Variants in FLNB observed in about 807,000 individuals in gnomAD.
FLNB encodes the protein filamin-B.
In FLNB, 111 loss-of-function variants were observed where a neutral mutation model predicts 250.6. The ratio of observed to expected loss-of-function variants is 0.44; its 90% CI spans 0.38 to 0.52. The LOEUF is 0.52. FLNB is among the 20% of genes least tolerant of loss of function. FLNB has a pLI of 0.00. For synonymous variants in FLNB, 1,302 were observed against 1,372.1 expected (o/e 0.95, Z 1.13); for missense variants, 2,869 against 3,447.8 (o/e 0.83, Z 4.20).
intron 1 of FLNB, among the ~76,000 whole-genome samples, chr3:58,023,050 G>A (rs1045932963): frequency 1.3e-5 from 2 of 150,918 alleles, no homozygotes; most frequent in Non-Finnish European, 2.9e-5. Flanking sequence ...TCCTGATCTC[G>A]AGATCCACCT....
rs373720589 is a variant in FLNB, at chr3:58,132,021, T to C, written c.4391-787T>C. On this transcript the variant is annotated intron_variant, in intron 25 of 45. Coordinates refer to ENST00000295956, the MANE Select transcript of FLNB (RefSeq NM_001457.4). ...CGAAGGGTGACTTTAATAAGACAGG[T>C]TTGCATTTTCCCATGGCTGCTGAAT... 382 of 1,530,466 alleles carry C rather than the reference T, an allele frequency of 2.5e-4. No individual in the cohort carries two copies. In the African/African-American group the frequency reaches 4.2e-3, roughly 17 times the overall value. The allele number at this position is 1,530,466 out of a possible 1,614,324, so 94.8% of individuals were successfully genotyped here.
At position 58,154,910 on chromosome 3, in the gene FLNB, T is replaced by TA. The variant is rs2097350981; in HGVS notation, c.6755dup (p.Tyr2252Ter). ...DHKNGSCGVSYIAQEPGNYEV... is the reference protein window; with the variant it reads ...DHKNGSCGVS Reference sequence around the variant, plus strand: ...TAAAAATGGGTCGTGCGGTGTATCTTATATTGCCCAAGAGCCTGGTATGTA... The same window carrying TA: ...TAAAAATGGGTCGTGCGGTGTATCTTAATATTGCCCAAGAGCCTGGTATGTA... Residue 2252 changes from tyrosine to a stop codon, truncating the protein, a stop_gained and frameshift_variant, in exon 40 of 46, where the codon TAT (tyrosine) becomes TAAT (stop). Coordinates refer to ENST00000295956, the MANE Select transcript of FLNB (RefSeq NM_001457.4). LOFTEE classifies it high-confidence loss of function. 6.2e-7 allele frequency: 1 copy of TA among 1,613,998 alleles called. No homozygotes were observed.
intron 3 of FLNB, 100 bp from the exon 4 acceptor site, chr3:58,081,529 C>T: frequency 9.2e-7 from 1 of 1,089,714 alleles, no homozygotes; most frequent in Non-Finnish European, 1.4e-6. Context: ...GACTCAGTTT[C>T]TTAATATTTG....
At chr3:58,114,030 A>G (rs551923004) in intron 18 of FLNB, among the ~76,000 whole-genome samples, 2 of 152,024 alleles carry the variant, frequency 1.3e-5, no homozygotes, top group Admixed American at 1.3e-4. Context: ...TATGTCCTCC[A>G]TGTTGTAGCA....
chr3:58,153,588 A>G lies in FLNB; in HGVS notation c.6581A>G (p.His2194Arg), dbSNP rs769664017. ...GGGCCACTTGGTGAAGGAGGCGCCCACAAGGTGCGGGCAGGAGGCCCTGGC... is the reference window on the plus strand; with the variant it reads ...GGGCCACTTGGTGAAGGAGGCGCCCGCAAGGTGCGGGCAGGAGGCCCTGGC... ...TVGPLGEGGA[H>R]KVRAGGPGLE... Residue 2194 changes from histidine (H) to arginine (R), a missense_variant, in exon 39 of 46, where the codon CAC becomes CGC. By Grantham distance (29) the His-to-Arg change is conservative. This residue lies in a region of FLNB where 1,084 missense variants were observed against 1,315.5 expected (regional missense o/e 0.82). Coordinates refer to ENST00000295956, the MANE Select transcript of FLNB (RefSeq NM_001457.4). 2 of 1,614,120 alleles carry G rather than the reference A, an allele frequency of 1.2e-6. No individual in the cohort carries two copies. The highest frequency in any genetic ancestry group is 1.7e-6 in the Non-Finnish European group (2 of 1,180,030).
chr3:58,132,798 C>G lies in FLNB; in HGVS notation c.4391-10C>G, dbSNP rs756827057. ...AGGCAGCTCCTTAAACCTCTCATCT[C>G]TGTCCTCAGGCTTGGTGGAGCCAGT... On this transcript the variant is annotated splice_polypyrimidine_tract_variant and intron_variant, in intron 25 of 45. Transcript: ENST00000295956. 6.2e-7 allele frequency: 1 copy of G among 1,614,146 alleles called. No homozygotes were observed. The highest frequency in any genetic ancestry group is 1.3e-5 in the African/African-American group (1 of 75,040).
intron 4 of FLNB, among the ~76,000 whole-genome samples, chr3:58,092,875 C>G (rs1057175422): frequency 6.6e-6 from 1 of 152,170 alleles, no homozygotes; most frequent in Admixed American, 6.5e-5. Flanking sequence ...ATTTCTGTCC[C>G]CCATACTGAC....
At chr3:58,090,075 G>A (rs2097224000) in intron 4 of FLNB, among the ~76,000 whole-genome samples, 2 of 152,088 alleles carry the variant, frequency 1.3e-5, no homozygotes, top group African/African-American at 4.8e-5. Context: ...GGGATTACAG[G>A]TGTGAGCCAC....
chr3:58,116,605 G>A lies in FLNB; in HGVS notation c.2746-2267G>A, dbSNP rs191010879. Among the ~76,000 whole-genome samples, 14 of 152,330 alleles carry A rather than the reference G, an allele frequency of 9.2e-5. No homozygotes were observed. The East Asian group carries it at 2.5e-3, about 27-fold the overall frequency. ...CTGTAGGATCCTGTGAGTCCCTTGA[G>A]GATGCAAAAGTAGAGCGCGTTTTGC... is the stretch of plus-strand genomic sequence containing the variant. On this transcript the variant is annotated intron_variant, in intron 18 of 45. Transcript: ENST00000295956.
At chr3:58,100,336 C>G (rs1247641020) in intron 8 of FLNB, among the ~76,000 whole-genome samples, 6 of 114,814 alleles carry the variant, frequency 5.2e-5, no homozygotes, top group Admixed American at 1.8e-4. Context: ...CTAACATCCT[C>G]TCTCCCACCT....
At chr3:58,062,830 C>T (rs1365433860) in intron 1 of FLNB, among the ~76,000 whole-genome samples, 2 of 152,202 alleles carry the variant, frequency 1.3e-5, no homozygotes, top group African/African-American at 4.8e-5. Flanking sequence ...CGGCTCTGAG[C>T]AGTCTTGAAC....
chr3:58,104,968 A>C, intron 10 of FLNB, 112 bp from the exon 11 acceptor site: 1 of 1,406,054 alleles, frequency 7.1e-7, no homozygotes, highest in Non-Finnish European at 1.0e-6. Flanking sequence ...TTGGGATGCC[A>C]GATGAAAGGA....
intron 29 of FLNB, among the ~76,000 whole-genome samples, chr3:58,141,330 G>A (rs1353471018): frequency 6.6e-6 from 1 of 152,232 alleles, no homozygotes; most frequent in African/African-American, 2.4e-5. Flanking sequence ...GTGCTGCAGA[G>A]ATGCCTTGTG....
chr3:58,136,746 C>CTTTT lies in FLNB; in HGVS notation c.4861+598_4861+601dup, dbSNP rs57053256. ...CAACTATTGACTGTCACAGGCCATT[C>CTTTT]TTTTTTTTTTTTTTTTTTTTTTTGA... On this transcript the variant is annotated intron_variant, in intron 28 of 45. Transcript: ENST00000295956. 9.5e-3 allele frequency among the ~76,000 whole-genome samples: 761 copies of CTTTT among 79,758 alleles called. 37 individuals are homozygous for CTTTT. Among genetic ancestry groups the CTTTT allele is most frequent in the Non-Finnish European group, 0.011 (508 of 46,088 alleles). The allele number at this position is 79,758 out of a possible 152,430, so 52.3% of individuals were successfully genotyped here.
chr3:58,076,804 G>A (rs983618842), intron 1 of FLNB, among the ~76,000 whole-genome samples: 1 of 152,064 alleles, frequency 6.6e-6, no homozygotes, highest in African/African-American at 2.4e-5. Context: ...TAGAGACAGT[G>A]GTGTCTTACA....
chr3:58,060,435 C>A (rs1221308661), intron 1 of FLNB, among the ~76,000 whole-genome samples: 1 of 150,484 alleles, frequency 6.6e-6, no homozygotes, highest in African/African-American at 2.5e-5. Context: ...CTCACTGCAA[C>A]CTTCACCCCC....
At chr3:58,109,423 A>C in intron 14 of FLNB, 101 bp downstream of exon 14, 1 of 1,584,658 alleles carries the variant, frequency 6.3e-7, no homozygotes, top group Non-Finnish European at 8.6e-7. Flanking sequence ...TATGGAAGGA[A>C]CCCATCCCTG....
chr3:58,072,178 T>C (rs1363985839), intron 1 of FLNB, among the ~76,000 whole-genome samples: 1 of 152,224 alleles, frequency 6.6e-6, no homozygotes, highest in Non-Finnish European at 1.5e-5. Flanking sequence ...CGAGAAAATG[T>C]ATGTGGTTTG....
chr3:58,043,821 G>A (rs137946671), intron 1 of FLNB, among the ~76,000 whole-genome samples: 26 of 152,282 alleles, frequency 1.7e-4, no homozygotes, highest in Non-Finnish European at 3.1e-4. Flanking sequence ...GGAGGCTCCT[G>A]TCTCATGCAC....
Sources: gnomAD v4.1 joint callset for allele counts (sites outside exome capture counted in the v4.1 genomes callset) on GRCh38, gnomAD v4.1.1 for gene constraint, gnomAD v4.1.1 regional missense constraint, MANE v1.5 for transcripts, NCBI Gene and HGNC (gene_info 2026-07-23, HGNC 2026-07-21) for gene names.